ANKRD30A: variants seen among roughly 807,000 people sequenced by gnomAD.
ANKRD30A encodes the protein ankyrin repeat domain-containing protein 30A.
A neutral mutation model predicts 166.3 loss-of-function variants in ANKRD30A; 170 were observed. That is an observed-to-expected ratio of 1.02 (90% CI 0.90 to 1.16). ANKRD30A has a LOEUF of 1.16. Among genes scored for constraint, ANKRD30A ranks in the 50% most tolerant of loss-of-function variants. The pLI, the probability that ANKRD30A is intolerant of heterozygous loss-of-function variation, is 0.00. For missense variants in ANKRD30A, 1,630 were observed against 1,518.0 expected, an observed-to-expected ratio of 1.07 and a Z score of -1.23; for synonymous variants, 564 against 508.9, an observed-to-expected ratio of 1.11 and a Z score of -1.46.
chr10:37,183,329 C>T lies in ANKRD30A; in HGVS notation c.2422-6138C>T, dbSNP rs1453424190. On this transcript the variant is annotated intron_variant, in intron 24 of 35. Coordinates refer to ENST00000361713, the MANE Select transcript of ANKRD30A (RefSeq NM_052997.3). ...CAGTAAATAGGAGAAATAGGAAAAA[C>T]ATTATGTGAACTATTAGGCCCCCGG... 2.1e-5 allele frequency among the ~76,000 whole-genome samples: 3 copies of T among 145,056 alleles called. 1 individual carries two copies. Among genetic ancestry groups the T allele is most frequent in the South Asian group, 4.5e-4 (2 of 4,422 alleles).
chr10:37,224,308 CA>C (rs2132754828), intron 34 of ANKRD30A, among the ~76,000 whole-genome samples: 1 of 151,098 alleles, frequency 6.6e-6, no homozygotes, highest in African/African-American at 2.4e-5. Context: ...TTTTAAACAT[CA>C]TCAAAAATTA....
chr10:37,198,614 T>C (rs764038403), intron 29 of ANKRD30A, among the ~76,000 whole-genome samples: 1 of 152,068 alleles, frequency 6.6e-6, no homozygotes, highest in Non-Finnish European at 1.5e-5. Context: ...TGCAACACGT[T>C]GTATCTCTGA....
chr10:37,193,612 T>C lies in ANKRD30A; in HGVS notation c.2614+354T>C, dbSNP rs140974342. Among the ~76,000 whole-genome samples, 665 of 152,142 alleles carry C rather than the reference T, an allele frequency of 4.4e-3. 10 individuals carry two copies. The highest frequency in any genetic ancestry group is 0.034 in the East Asian group (176 of 5,156). On this transcript the variant is annotated intron_variant, in intron 27 of 35. Coordinates refer to ENST00000361713, the MANE Select transcript of ANKRD30A (RefSeq NM_052997.3). ...GCTGATTGGAATTCTGATGTTTACT[T>C]AGAAGAAAGTTCCACTTGCTGACAT...
At chr10:37,178,734 G>T (rs1488811946) in intron 24 of ANKRD30A, among the ~76,000 whole-genome samples, 1 of 150,232 alleles carries the variant, frequency 6.7e-6, no homozygotes, top group Non-Finnish European at 1.5e-5. Flanking sequence ...TTTAACAGGT[G>T]TCGAATGGGA....
At position 37,161,843 on chromosome 10, in the gene ANKRD30A, A is replaced by G. The variant is rs183548058; in HGVS notation, c.1901-806A>G. 3.9e-5 allele frequency among the ~76,000 whole-genome samples: 6 copies of G among 152,334 alleles called. No homozygotes were observed. The East Asian group carries it at 1.2e-3, about 29-fold the overall frequency. ...TTCCACAAAAAATTTATTATAGACT[A>G]ATGATACACCGAACCAGACGAATTG... On this transcript the variant is annotated intron_variant, in intron 15 of 35. Coordinates refer to ENST00000361713, the MANE Select transcript of ANKRD30A (RefSeq NM_052997.3).
rs185681230 is a variant in ANKRD30A, at chr10:37,196,054, G to C, written c.2615-1227G>C. On this transcript the variant is annotated intron_variant, in intron 27 of 35. Coordinates refer to ENST00000361713, the MANE Select transcript of ANKRD30A (RefSeq NM_052997.3). ...ATAAATTTGAAACAGTGTTGTATGG[G>C]AAGAATTCTACAGAGTTAGAGGTTT... Among the ~76,000 whole-genome samples the C allele has an allele frequency of 1.0e-3, 156 of 150,600 alleles. 1 individual carries two copies. The highest frequency in any genetic ancestry group is 4.1e-4 in the Non-Finnish European group (28 of 67,770).
intron 1 of ANKRD30A, among the ~76,000 whole-genome samples, chr10:37,129,057 AAAG>A (rs1204090347): frequency 6.6e-6 from 1 of 152,156 alleles, no homozygotes; most frequent in Non-Finnish European, 1.5e-5. Context: ...TAAAAATATT[AAAG>A]AAGTACTTTG....
chr10:37,128,151 T>C (rs1451502293), intron 1 of ANKRD30A, among the ~76,000 whole-genome samples: 1 of 152,090 alleles, frequency 6.6e-6, no homozygotes, highest in African/African-American at 2.4e-5. Context: ...ACACATAGAC[T>C]ATGGTCTTGT....
chr10:37,160,527 TC>T (rs1294632062), intron 15 of ANKRD30A, among the ~76,000 whole-genome samples: 1 of 152,200 alleles, frequency 6.6e-6, no homozygotes, highest in Admixed American at 6.5e-5. Context: ...TGCATAAGGT[TC>T]TAAAGTGCCA....
the ANKRD30A span, among the ~76,000 whole-genome samples, chr10:37,248,691 C>T: frequency 2.0e-5 from 3 of 149,480 alleles, no homozygotes; most frequent in Non-Finnish European, 4.4e-5. Flanking sequence ...TCAGGGATCA[C>T]GAGTCACTTT....
At chr10:37,262,332 C>T in the ANKRD30A span, among the ~76,000 whole-genome samples, 3 of 152,162 alleles carry the variant, frequency 2.0e-5, no homozygotes, top group Admixed American at 6.5e-5. Context: ...AAAAACAACC[C>T]CTAGAGAGTT....
chr10:37,137,409 G>A (rs180922604), intron 6 of ANKRD30A, among the ~76,000 whole-genome samples: 3 of 152,322 alleles, frequency 2.0e-5, no homozygotes, highest in East Asian at 1.9e-4. Flanking sequence ...CTGAGCATGA[G>A]CCGAAGCAGG....
intron 13 of ANKRD30A, among the ~76,000 whole-genome samples, chr10:37,157,398 C>T (rs1164035466): frequency 6.6e-6 from 1 of 152,148 alleles, no homozygotes; most frequent in African/African-American, 2.4e-5. Context: ...TGTTTTCTCG[C>T]TCTGTCATCC....
intron 34 of ANKRD30A, among the ~76,000 whole-genome samples, chr10:37,225,304 C>A (rs1053474923): frequency 6.6e-6 from 1 of 151,552 alleles, no homozygotes; most frequent in Non-Finnish European, 1.5e-5. Flanking sequence ...AATTTATTGA[C>A]TTGTTTCTTT....
intron 34 of ANKRD30A, among the ~76,000 whole-genome samples, chr10:37,230,374 T>C (rs1231406922): frequency 2.0e-5 from 3 of 152,070 alleles, no homozygotes; most frequent in Non-Finnish European, 4.4e-5. Flanking sequence ...ATGATGTTAG[T>C]AAATGAACTG....
rs755634436 is a variant in ANKRD30A, at chr10:37,216,174, G to T, written c.2870-7G>T. ...TATATTTTATTTGTATCTCCTCCTT[G>T]AGACAGATTCAACTAGCCTATCAAA... On this transcript the variant is annotated splice_polypyrimidine_tract_variant and splice_region_variant and intron_variant, in intron 31 of 35. Transcript: ENST00000361713. 6.4e-7 allele frequency: 1 copy of T among 1,573,364 alleles called. No homozygotes were observed. Among genetic ancestry groups the T allele is most frequent in the Admixed American group, 1.8e-5 (1 of 55,688 alleles).
In ANKRD30A at chr10:37,153,679, A is replaced by T. The variant is rs769096598; in HGVS notation, c.1798+17A>T. ...AATTAGAAGGTAAGAACCGTTTTTT[A>T]TTTAAAAATCAGTTGACCGAATATT... On this transcript the variant is annotated intron_variant, in intron 13 of 35. Coordinates refer to ENST00000361713, the MANE Select transcript of ANKRD30A (RefSeq NM_052997.3). 3 of 1,593,990 alleles carry T rather than the reference A, an allele frequency of 1.9e-6. No individual in the cohort carries two copies. The highest frequency in any genetic ancestry group is 2.2e-5 in the South Asian group (2 of 90,032).
chr10:37,238,524 TAAAAG>T, the ANKRD30A span, among the ~76,000 whole-genome samples: 28 of 152,290 alleles, frequency 1.8e-4, no homozygotes, highest in African/African-American at 6.5e-4. Flanking sequence ...TTAAACTTGT[TAAAAG>T]AAAGTATTCT....
In ANKRD30A at chr10:37,219,026, G is replaced by T. The variant is rs745306341; in HGVS notation, c.3314G>T (p.Cys1105Phe). Residue 1105 changes from cysteine (C) to phenylalanine (F), a missense_variant, in exon 34 of 36, where the codon TGC becomes TTC. Transcript: ENST00000361713. ...GAAAATTATCTCTTACATGAAAATT[G>T]CATGTTGAAAAAGGAAATTGCCATG... ...ENENYLLHEN[C>F]MLKKEIAMLK... is the part of the protein sequence containing the mutation. The T allele has an allele frequency of 6.3e-7, 1 of 1,594,526 alleles. No homozygotes were observed. Among genetic ancestry groups the T allele is most frequent in the Non-Finnish European group, 8.5e-7 (1 of 1,172,996 alleles).
Sources: gnomAD v4.1 joint callset for allele counts (sites outside exome capture counted in the v4.1 genomes callset) on GRCh38, gnomAD v4.1.1 for gene constraint, MANE v1.5 for transcripts, NCBI Gene and HGNC (gene_info 2026-07-23, HGNC 2026-07-21) for gene names.